The following PKHD1 variants were observed in gnomAD, a reference collection of about 807,000 sequenced individuals.
The protein encoded by PKHD1 is PKHD1 ciliary IPT domain containing fibrocystin/polyductin, also known as fibrocystin.
A neutral mutation model predicts 412.0 loss-of-function variants in PKHD1; 291 were observed. The observed-to-expected ratio is 0.71, with a 90% CI of 0.64 to 0.78. The LOEUF (loss-of-function observed/expected upper bound fraction) is 0.78, where lower values mean the gene tolerates loss of function less well. Among genes scored for constraint, PKHD1 ranks in the 30% least tolerant of loss-of-function variants. PKHD1 has a pLI of 0.00. For synonymous variants in PKHD1, 1,777 were observed against 1,821.5 expected (o/e 0.98, Z 0.62); for missense variants, 4,825 against 4,950.7 (o/e 0.97, Z 0.76).
chr6:51,894,866 G>C (rs917678926), intron 43 of PKHD1, among the ~76,000 whole-genome samples: 1 of 152,174 alleles, frequency 6.6e-6, no homozygotes, highest in African/African-American at 2.4e-5. Context: ...TCATTGGAGG[G>C]AGCTAGATGA....
chr6:51,948,646 A>G (rs1789842229), intron 36 of PKHD1, among the ~76,000 whole-genome samples: 1 of 152,226 alleles, frequency 6.6e-6, no homozygotes, highest in Non-Finnish European at 1.5e-5. Flanking sequence ...TTAAGTGATC[A>G]CTCAATACTT....
intron 35 of PKHD1, among the ~76,000 whole-genome samples, chr6:51,963,903 G>C (rs980737680): frequency 1.3e-5 from 2 of 151,998 alleles, no homozygotes; most frequent in African/African-American, 2.4e-5. Context: ...TTTAGCTTTA[G>C]TGTTCTTCCT....
chr6:51,996,767 A>G (rs959941514), intron 35 of PKHD1, among the ~76,000 whole-genome samples: 2 of 152,246 alleles, frequency 1.3e-5, no homozygotes, highest in Admixed American at 1.3e-4. Context: ...AGGAGAAGTG[A>G]GGAGCATCAG....
At position 52,083,294 on chromosome 6, in the gene PKHD1, A is replaced by G. The variant is rs758729151; in HGVS notation, c.53-39T>C. 1.2e-5 allele frequency: 15 copies of G among 1,264,064 alleles called. No individual in the cohort carries two copies. The African/African-American group carries it at 2.1e-4, about 17-fold the overall frequency. 78.3% of individuals were successfully genotyped at this position (1,264,064 alleles called of 1,614,324 possible). On this transcript the variant is annotated intron_variant, in intron 2 of 66. Coordinates refer to ENST00000371117, the MANE Select transcript of PKHD1 (RefSeq NM_138694.4). ...AAAAAAAACATTGGTTTTGAAGGTC[A>G]GATTCAAACCACTACCTTCTGCAAT...
chr6:52,034,360 G>A (rs1414895278), intron 28 of PKHD1, among the ~76,000 whole-genome samples: 1 of 150,774 alleles, frequency 6.6e-6, no homozygotes, highest in African/African-American at 2.4e-5. Flanking sequence ...GGGGAGGAGG[G>A]GCAGGAAAAC....
At chr6:51,805,545 T>A (rs1763635460) in intron 52 of PKHD1, among the ~76,000 whole-genome samples, 4 of 152,184 alleles carry the variant, frequency 2.6e-5, no homozygotes, top group Admixed American at 2.6e-4. Context: ...GTTGAAATTA[T>A]ATTTTTTAAA....
intron 28 of PKHD1, among the ~76,000 whole-genome samples, chr6:52,035,244 T>A (rs56835954): frequency 0.052 from 7,967 of 152,310 alleles, 284 homozygotes; most frequent in East Asian, 0.11. Context: ...GTTGTTTGCT[T>A]AATAGAGAAG....
At position 51,887,219 on chromosome 6, in the gene PKHD1, A is replaced by T; in HGVS notation, c.7023T>A (p.Tyr2341Ter). ...TGGTCATGAGATGGAAAAAGTAGCC[A>T]TAGCCAGCACCACACACTCTGTTCC... is the stretch of plus-strand genomic sequence containing the variant. ...IEGNRVCGAG[Y>*]GYFFHLMTNQ... The change falls in exon 44 of 67, where the codon TAT becomes TAA. Residue 2341 changes from tyrosine to a stop codon, truncating the protein, a stop_gained. Transcript: ENST00000371117. LOFTEE classifies it high-confidence loss of function. 1 of 1,612,046 alleles carries T rather than the reference A, an allele frequency of 6.2e-7. No individual in the cohort carries two copies. Among genetic ancestry groups the T allele is most frequent in the Non-Finnish European group, 8.5e-7 (1 of 1,178,124 alleles).
chr6:52,081,132 CT>C (rs56935947), intron 4 of PKHD1, among the ~76,000 whole-genome samples: 6,169 of 152,124 alleles, frequency 0.041, 387 homozygotes, highest in African/African-American at 0.14. Context: ...GATCATATTT[CT>C]TTTCTTTAAA....
chr6:51,874,523 A>C (rs1776534334), intron 46 of PKHD1, among the ~76,000 whole-genome samples: 1 of 152,218 alleles, frequency 6.6e-6, no homozygotes, highest in Non-Finnish European at 1.5e-5. Flanking sequence ...TGATGATAAA[A>C]AGTTCTTCCA....
chr6:51,646,425 A>C (rs1770097110), intron 63 of PKHD1, among the ~76,000 whole-genome samples: 1 of 152,332 alleles, frequency 6.6e-6, no homozygotes, highest in South Asian at 2.1e-4. Context: ...GGTAGGAAGC[A>C]TGATTAATAA....
chr6:51,897,178 C>T (rs1331844931), intron 43 of PKHD1, among the ~76,000 whole-genome samples: 2 of 152,166 alleles, frequency 1.3e-5, no homozygotes, highest in Non-Finnish European at 2.9e-5. Flanking sequence ...CAAAGATATT[C>T]ATCGAGAAGA....
Position 52,073,276 on chromosome 6 carries a change from T to C in PKHD1, c.527+187A>G, listed in dbSNP as rs112184687. Among the ~76,000 whole-genome samples the C allele has an allele frequency of 0.016, 2,463 of 152,310 alleles. 64 individuals carry two copies. Among genetic ancestry groups the C allele is most frequent in the African/African-American group, 0.056 (2,338 of 41,572 alleles). On this transcript the variant is annotated intron_variant, in intron 7 of 66. Transcript: ENST00000371117. ...TCAGTAAATAAATGGACCAACTTAATTGACCAGTTGCAATTACATTAACAA... is the reference window on the plus strand; with the variant it reads ...TCAGTAAATAAATGGACCAACTTAACTGACCAGTTGCAATTACATTAACAA...
chr6:51,803,952 C>A (rs1189692358), intron 52 of PKHD1, among the ~76,000 whole-genome samples: 2 of 151,268 alleles, frequency 1.3e-5, no homozygotes, highest in African/African-American at 2.5e-5. Flanking sequence ...AGGTGATCTG[C>A]CTGCCTCAGC....
intron 60 of PKHD1, among the ~76,000 whole-genome samples, chr6:51,714,000 T>C (rs1780949171): frequency 6.6e-6 from 1 of 152,040 alleles, no homozygotes; most frequent in Non-Finnish European, 1.5e-5. Flanking sequence ...TAAAGAAAAA[T>C]TCATTGGTGT....
rs539189854 is a variant in PKHD1, at chr6:51,764,316, C to T, written c.8642+8386G>A. On this transcript the variant is annotated intron_variant, in intron 55 of 66. Coordinates refer to ENST00000371117, the MANE Select transcript of PKHD1 (RefSeq NM_138694.4). ...CAGCCAAAAAACACATGAAAAAATG[C>T]TCATCATCACCAGCCATCAGAGAAA... 3.1e-3 allele frequency among the ~76,000 whole-genome samples: 466 copies of T among 148,700 alleles called. 3 individuals are homozygous for T. Among genetic ancestry groups the T allele is most frequent in the Non-Finnish European group, 4.8e-3 (325 of 67,492 alleles).
intron 60 of PKHD1, among the ~76,000 whole-genome samples, chr6:51,706,102 A>G (rs1321435121): frequency 6.6e-6 from 1 of 152,142 alleles, no homozygotes; most frequent in Non-Finnish European, 1.5e-5. Context: ...AAGTAAAGGA[A>G]GGACTTGGGA....
intron 60 of PKHD1, among the ~76,000 whole-genome samples, chr6:51,729,413 A>G (rs1474125169): frequency 6.6e-6 from 1 of 152,216 alleles, no homozygotes; most frequent in African/African-American, 2.4e-5. Flanking sequence ...TACTATAAAA[A>G]CTAAATTATA....
intron 20 of PKHD1, among the ~76,000 whole-genome samples, 196 bp downstream of exon 20, chr6:52,053,842 A>G (rs1460744168): frequency 6.6e-6 from 1 of 152,198 alleles, no homozygotes; most frequent in Non-Finnish European, 1.5e-5. Context: ...GACTCCCTCT[A>G]GGGAGTAGTA....
Sources: gnomAD v4.1 joint callset for allele counts (sites outside exome capture counted in the v4.1 genomes callset) on GRCh38, gnomAD v4.1.1 for gene constraint, MANE v1.5 for transcripts, NCBI Gene and HGNC (gene_info 2026-07-23, HGNC 2026-07-21) for gene names.